The following AOPEP variants were observed in gnomAD, a reference collection of about 807,000 sequenced individuals.
AOPEP encodes aminopeptidase O (putative).
A neutral mutation model predicts 98.1 loss-of-function variants in AOPEP; 77 were observed. That is an observed-to-expected ratio of 0.78 (90% CI 0.65 to 0.95). AOPEP has a LOEUF of 0.95. Ranked by LOEUF, AOPEP falls within the 40% of genes least tolerant of loss-of-function variation. The pLI is 0.00. For missense variants in AOPEP, 1,024 were observed against 1,024.7 expected (o/e 1.00, Z 0.01); for synonymous variants, 346 against 365.3 (o/e 0.95, Z 0.60).
intron 13 of AOPEP, among the ~76,000 whole-genome samples, chr9:95,021,094 C>A (rs2063419083): frequency 6.6e-6 from 1 of 151,936 alleles, no homozygotes; most frequent in South Asian, 2.1e-4. Flanking sequence ...TATATATATT[C>A]ATACCTTGAT....
At chr9:94,935,480 T>A (rs1231303425) in intron 7 of AOPEP, 1 of 152,420 alleles carries the variant, frequency 6.6e-6, no homozygotes, top group East Asian at 1.9e-4. Context: ...TCAGGCCAGG[T>A]CATGCAGGGT....
At chr9:94,805,738 A>T (rs964171854) in intron 5 of AOPEP, among the ~76,000 whole-genome samples, 10 of 152,196 alleles carry the variant, frequency 6.6e-5, no homozygotes, top group African/African-American at 2.2e-4. Context: ...ATTTGCAAAT[A>T]AACGGTATGC....
At chr9:94,959,619 A>G (rs1414185400) in intron 9 of AOPEP, among the ~76,000 whole-genome samples, 4 of 152,206 alleles carry the variant, frequency 2.6e-5, no homozygotes, top group Non-Finnish European at 4.4e-5. Context: ...CCTGGCATAT[A>G]CTCATTATAA....
At chr9:95,010,620 A>AT (rs2062428544) in intron 13 of AOPEP, among the ~76,000 whole-genome samples, 1 of 152,220 alleles carries the variant, frequency 6.6e-6, no homozygotes, top group African/African-American at 2.4e-5. Flanking sequence ...CTACATTTAT[A>AT]TAGCCGTAAT....
At chr9:94,986,917 A>G (rs1202675376) in intron 11 of AOPEP, among the ~76,000 whole-genome samples, 1 of 152,234 alleles carries the variant, frequency 6.6e-6, no homozygotes, top group Non-Finnish European at 1.5e-5. Flanking sequence ...AGAATTAAAA[A>G]TGTTTCCTCT....
At chr9:95,115,976 A>C in the AOPEP span, among the ~76,000 whole-genome samples, 29 of 152,372 alleles carry the variant, frequency 1.9e-4, no homozygotes, top group East Asian at 5.6e-3. Context: ...ATCTGTGACC[A>C]TAACACTGTT....
At chr9:94,769,697 A>G (rs1840420467) in intron 2 of AOPEP, among the ~76,000 whole-genome samples, 1 of 152,182 alleles carries the variant, frequency 6.6e-6, no homozygotes, top group Non-Finnish European at 1.5e-5. Flanking sequence ...CAGCCATGGA[A>G]AGAGGAGGGT....
chr9:95,093,954 AGT>A, the AOPEP span, among the ~76,000 whole-genome samples: 4 of 152,150 alleles, frequency 2.6e-5, no homozygotes, highest in Non-Finnish European at 4.4e-5. Flanking sequence ...TTGTTGGGTC[AGT>A]GTGTGTGAAG....
At chr9:95,025,660 CAAAT>C (rs1000664035) in intron 13 of AOPEP, among the ~76,000 whole-genome samples, 1 of 152,204 alleles carries the variant, frequency 6.6e-6, no homozygotes, top group Admixed American at 6.5e-5. Context: ...GTGATTTTAA[CAAAT>C]AAAACATAAC....
the AOPEP span, among the ~76,000 whole-genome samples, chr9:95,122,269 G>C: frequency 6.6e-6 from 1 of 152,250 alleles, no homozygotes; most frequent in East Asian, 1.9e-4. Flanking sequence ...ATTTTATTAA[G>C]AAGGAATTAA....
At chr9:94,939,090 A>C (rs2056686333) in intron 7 of AOPEP, among the ~76,000 whole-genome samples, 1 of 152,116 alleles carries the variant, frequency 6.6e-6, no homozygotes, top group African/African-American at 2.4e-5. Flanking sequence ...TCTACTAAAA[A>C]TACAAAAATT....
chr9:94,953,714 A>C (rs984674688), intron 7 of AOPEP, among the ~76,000 whole-genome samples: 1 of 152,128 alleles, frequency 6.6e-6, no homozygotes. Flanking sequence ...CTACCTTTTA[A>C]AATAACCCCT....
At chr9:94,848,670 A>G (rs904770572) in intron 5 of AOPEP, among the ~76,000 whole-genome samples, 3 of 152,032 alleles carry the variant, frequency 2.0e-5, no homozygotes, top group Non-Finnish European at 2.9e-5. Flanking sequence ...CAAAAAAAAA[A>G]CATGGAGCTT....
chr9:95,065,069 T>A (rs150571228), intron 14 of AOPEP, among the ~76,000 whole-genome samples: 1 of 152,336 alleles, frequency 6.6e-6, no homozygotes, highest in African/African-American at 2.4e-5. Flanking sequence ...CCTGGTTGCT[T>A]TTTCATAGTA....
chr9:95,010,837 A>G (rs189955570), intron 13 of AOPEP, among the ~76,000 whole-genome samples: 60 of 152,292 alleles, frequency 3.9e-4, no homozygotes, highest in African/African-American at 1.4e-3. Context: ...AGAATAATTT[A>G]TTAAAAGTAA....
At chr9:94,739,016 A>C (rs776739376) in intron 1 of AOPEP, among the ~76,000 whole-genome samples, 4 of 152,234 alleles carry the variant, frequency 2.6e-5, no homozygotes, top group Admixed American at 2.6e-4. Context: ...TGGTCAGTCT[A>C]GGAGCAAGAA....
In AOPEP at chr9:94,928,430, C is replaced by A; in HGVS notation, c.1560C>A (p.Ala520=). The A allele has an allele frequency of 6.5e-7, 1 of 1,547,342 alleles. No individual in the cohort carries two copies. The highest frequency in any genetic ancestry group is 8.7e-7 in the Non-Finnish European group (1 of 1,146,684). ...DVFWATAQQL[A]PYEAREQQEL... is the part of the protein sequence containing the mutation. ...GTGTGTCTGTGGCTGAGCAGCTGGCCCCCTATGAGGCCCGGGAGCAGCAGG... is the reference window on the plus strand; with the variant it reads ...GTGTGTCTGTGGCTGAGCAGCTGGCACCCTATGAGGCCCGGGAGCAGCAGG... Residue 520 remains alanine (A), a synonymous_variant, in exon 7 of 17, where the codon GCC becomes GCA. Coordinates refer to ENST00000375315, the MANE Select transcript of AOPEP (RefSeq NM_001193329.3).
chr9:94,868,025 ACT>A (rs1489017800), intron 5 of AOPEP, among the ~76,000 whole-genome samples: 2 of 152,112 alleles, frequency 1.3e-5, no homozygotes, highest in Non-Finnish European at 2.9e-5. Flanking sequence ...CTGACAGAAC[ACT>A]CTGGAGATTT....
the AOPEP span, among the ~76,000 whole-genome samples, chr9:95,092,289 G>A: frequency 9.9e-5 from 15 of 152,120 alleles, no homozygotes; most frequent in Non-Finnish European, 2.9e-5. Flanking sequence ...GGGAGCTGCT[G>A]TAAAGACCAG....
Sources: allele counts gnomAD v4.1 joint callset (sites outside exome capture counted in the v4.1 genomes callset), GRCh38; gene constraint gnomAD v4.1.1; transcripts MANE v1.5; gene names NCBI Gene and HGNC (gene_info 2026-07-23, HGNC 2026-07-21).